SYT11: variants seen among roughly 807,000 people sequenced by gnomAD.
The protein encoded by SYT11 is synaptotagmin 11.
Under a neutral mutation model 30.4 loss-of-function variants are expected in SYT11, and 12 were observed. That is an observed-to-expected ratio of 0.39 (90% confidence interval 0.25 to 0.64). The LOEUF (loss-of-function observed/expected upper bound fraction) is 0.64. Ranked by LOEUF, SYT11 falls within the 30% of genes least tolerant of loss-of-function variation. SYT11 has a pLI of 0.45. For missense variants in SYT11, 412 were observed against 552.0 expected, an observed-to-expected ratio of 0.75 and a Z score of 2.54; for synonymous variants, 204 against 216.0, an observed-to-expected ratio of 0.94 and a Z score of 0.49.
In SYT11 at chr1:155,874,844, C is replaced by T. The variant is rs1452157989; in HGVS notation, c.862-5656C>T. ...GGCAGAGGTTGCAGTGAGCCGAGAT[C>T]GCGCCACTGCACTCCAGCCTGGGTG... On this transcript the variant is annotated intron_variant, in intron 2 of 3. Coordinates refer to ENST00000368324, the MANE Select transcript of SYT11 (RefSeq NM_152280.5). Among the ~76,000 whole-genome samples the T allele has an allele frequency of 5.4e-5, 8 of 147,970 alleles. 1 individual carries two copies. The highest frequency in any genetic ancestry group is 2.0e-4 in the East Asian group (1 of 5,028).
chr1:155,867,492 C>A (rs1478183229), intron 1 of SYT11, among the ~76,000 whole-genome samples: 2 of 152,170 alleles, frequency 1.3e-5, no homozygotes, highest in Non-Finnish European at 2.9e-5. Flanking sequence ...AACTCATCTC[C>A]ACACCCTTCC....
In SYT11 at chr1:155,880,610, C is replaced by T. The variant is rs373500229; in HGVS notation, c.972C>T (p.Thr324=). 36 of 1,613,940 alleles carry T rather than the reference C, an allele frequency of 2.2e-5. No homozygotes were observed. Among genetic ancestry groups the T allele is most frequent in the African/African-American group, 1.9e-4 (14 of 75,044 alleles). The change falls in exon 3 of 4, where the codon ACC becomes ACT. Residue 324 remains threonine (T), a synonymous_variant. Transcript: ENST00000368324. The part of the protein sequence containing the change: ...KARHLPKMDI[T]GLSGNPYVKV... The stretch of plus-strand genomic sequence containing the variant: ...GACACTTGCCGAAGATGGATATCAC[C>T]GGTCTCTCAGGTAGCAGCTATTTAC...
Position 155,868,833 on chromosome 1 carries a change from G to T in SYT11, c.861+42G>T, listed in dbSNP as rs772577182. 6.4e-7 allele frequency: 1 copy of T among 1,562,470 alleles called. No individual in the cohort carries two copies. The highest frequency in any genetic ancestry group is 8.7e-7 in the Non-Finnish European group (1 of 1,147,894). ...TGTTGGGGAGCAATGGTAGGTTGGG[G>T]GAGAAAATATCTCAGGGGATAAATG... On this transcript the variant is annotated intron_variant, in intron 2 of 3. Transcript: ENST00000368324. The surrounding 1 kb of genome is among the most constrained non-coding windows in gnomAD (Gnocchi z 4.7).
intron 1 of SYT11, among the ~76,000 whole-genome samples, chr1:155,865,628 CAAAAA>C (rs1245542156): frequency 9.5e-6 from 1 of 105,448 alleles, no homozygotes; most frequent in Non-Finnish European, 2.0e-5. Flanking sequence ...AACTCTGTCT[CAAAAA>C]AAAAAAAAAA....
At chr1:155,874,478 T>TGTGACAGAGCGAGACTTCATCTCAA (rs1553226161) in intron 2 of SYT11, among the ~76,000 whole-genome samples, 21 of 151,458 alleles carry the variant, frequency 1.4e-4, no homozygotes, top group South Asian at 2.1e-4. Context: ...CACATGCCTG[T>TGTGACAGAGCGAGACTTCATCTCAA]AGTCCCATCT....
Position 155,860,095 on chromosome 1 carries a change from G to C in SYT11, c.34+300G>C, listed in dbSNP as rs1571969435. Among the ~76,000 whole-genome samples, 1 of 152,388 alleles carries C rather than the reference G, an allele frequency of 6.6e-6. No homozygotes were observed. Among genetic ancestry groups the C allele is most frequent in the Admixed American group, 6.5e-5 (1 of 15,310 alleles). On this transcript the variant is annotated intron_variant, in intron 1 of 3. Coordinates refer to ENST00000368324, the MANE Select transcript of SYT11 (RefSeq NM_152280.5). This position sits in a 1 kb window ranked among gnomAD's most constrained non-coding sequence, Gnocchi z 4.1. ...GGAGGTGAGAAACAGCAAGCGTGCG[G>C]AGGATGTGAACCCCTCCTTCTGGGG...
Position 155,883,035 on chromosome 1 carries a change from G to C in SYT11, c.*1527G>C, listed in dbSNP as rs1199437177. 6.6e-6 allele frequency: 1 copy of C among 152,360 alleles called. No individual in the cohort carries two copies. 9.4% of individuals were successfully genotyped at this position (152,360 alleles called of 1,614,324 possible). On this transcript the variant is annotated 3_prime_UTR_variant, in exon 4 of 4. Coordinates refer to ENST00000368324, the MANE Select transcript of SYT11 (RefSeq NM_152280.5). ...CAGAGCATTCTTTTCCTCAAAACGAGCTGCATAATTCTTGGAATTTATGTC... is the reference window on the plus strand; with the variant it reads ...CAGAGCATTCTTTTCCTCAAAACGACCTGCATAATTCTTGGAATTTATGTC...
chr1:155,874,335 C>G (rs1317455139), intron 2 of SYT11, among the ~76,000 whole-genome samples: 1 of 152,010 alleles, frequency 6.6e-6, no homozygotes, highest in African/African-American at 2.4e-5. Flanking sequence ...CATGGTGGCT[C>G]ACACCTGTAT....
rs776531376 is a variant in SYT11, at chr1:155,881,508, A to G, written c.1296A>G (p.Ter432=). ...AGTGGCACAGTCTGAGCGAGTACTA[A>G]TCCTGTTCTTCTCTCCTCTAATCCC... The part of the protein sequence containing the change: ...VAKWHSLSEY[*] Residue 432 remains the stop codon, a stop_retained_variant, in exon 4 of 4, where the codon TAA becomes TAG. Transcript: ENST00000368324. 6.3e-7 allele frequency: 1 copy of G among 1,591,690 alleles called. No homozygotes were observed. Among genetic ancestry groups the G allele is most frequent in the Admixed American group, 1.7e-5 (1 of 58,110 alleles).
At chr1:155,880,690 A>C in intron 3 of SYT11, 67 bp downstream of exon 3, 2 of 1,584,214 alleles carry the variant, frequency 1.3e-6, no homozygotes, top group Non-Finnish European at 1.7e-6. Context: ...TGTGGCCCAG[A>C]TAGACCTCCA....
In SYT11 at chr1:155,859,699, C is replaced by T; in HGVS notation, c.-63C>T. On this transcript the variant is annotated 5_prime_UTR_variant, in exon 1 of 4. Transcript: ENST00000368324. Reference sequence around the variant, plus strand: ...CTACAGCTGCTGCCTCGGTACTGACCGAGGGTTCCCAGAGCTGTCTCACCA... The same window carrying T: ...CTACAGCTGCTGCCTCGGTACTGACTGAGGGTTCCCAGAGCTGTCTCACCA... 5 of 1,539,738 alleles carry T rather than the reference C, an allele frequency of 3.2e-6. No homozygotes were observed. The highest frequency in any genetic ancestry group is 4.5e-6 in the Non-Finnish European group (5 of 1,112,552).
At chr1:155,869,155 G>C (rs912427742) in intron 2 of SYT11, among the ~76,000 whole-genome samples, 3 of 151,282 alleles carry the variant, frequency 2.0e-5, no homozygotes, top group African/African-American at 7.3e-5. Flanking sequence ...TTCCTCCAGT[G>C]AATTTATTTT....
At chr1:155,878,040 TGA>T (rs1373828187) in intron 2 of SYT11, among the ~76,000 whole-genome samples, 3 of 151,992 alleles carry the variant, frequency 2.0e-5, no homozygotes, top group Non-Finnish European at 4.4e-5. Flanking sequence ...CCCAGGAATT[TGA>T]GATCAGCCTG....
At position 155,868,692 on chromosome 1, in the gene SYT11, G is replaced by T. The variant is rs778581369; in HGVS notation, c.762G>T (p.Arg254=). 15 of 1,614,222 alleles carry T rather than the reference G, an allele frequency of 9.3e-6. No homozygotes were observed. In the East Asian group the frequency reaches 3.1e-4, roughly 34 times the overall value. ...FLVLSFDRFS[R]DDVIGEVMVP... ...TCCTCAGCTTTGACCGCTTCTCTCG[G>T]GATGATGTCATTGGCGAGGTCATGG... The change falls in exon 2 of 4, where the codon CGG becomes CGT. Residue 254 remains arginine (R), a synonymous_variant. Coordinates refer to ENST00000368324, the MANE Select transcript of SYT11 (RefSeq NM_152280.5). This position sits in a 1 kb window ranked among gnomAD's most constrained non-coding sequence, Gnocchi z 4.7.
At chr1:155,878,786 G>C (rs1237195796) in intron 2 of SYT11, among the ~76,000 whole-genome samples, 1 of 152,044 alleles carries the variant, frequency 6.6e-6, no homozygotes, top group Non-Finnish European at 1.5e-5. Flanking sequence ...AGAATGGCAT[G>C]AACCTGGGAG....
Position 155,860,637 on chromosome 1 carries a change from C to T in SYT11, c.34+842C>T, listed in dbSNP as rs955011390. 6.6e-6 allele frequency among the ~76,000 whole-genome samples: 1 copy of T among 152,142 alleles called. No individual in the cohort carries two copies. The highest frequency in any genetic ancestry group is 1.5e-5 in the Non-Finnish European group (1 of 68,018). On this transcript the variant is annotated intron_variant, in intron 1 of 3. Transcript: ENST00000368324. This position sits in a 1 kb window ranked among gnomAD's most constrained non-coding sequence, Gnocchi z 4.1. The stretch of plus-strand genomic sequence containing the variant: ...GGGGAGGGGCGAAAGAGGCCCAGCC[C>T]GGGGGAGGCCGCTTTGTGTACCGCA...
At chr1:155,866,113 T>C (rs1431774706) in intron 1 of SYT11, among the ~76,000 whole-genome samples, 1 of 58,330 alleles carries the variant, frequency 1.7e-5, no homozygotes, top group African/African-American at 3.6e-5. Context: ...CTCTTTTTTT[T>C]TTCTTTTTTT....
At chr1:155,876,397 C>CA (rs750402044) in intron 2 of SYT11, among the ~76,000 whole-genome samples, 71 of 152,114 alleles carry the variant, frequency 4.7e-4, no homozygotes, top group Non-Finnish European at 7.5e-4. Flanking sequence ...AGGCGCCCGC[C>CA]ACCACGCCCG....
At chr1:155,880,111 G>C (rs753129135) in intron 2 of SYT11, among the ~76,000 whole-genome samples, 36 of 152,184 alleles carry the variant, frequency 2.4e-4, no homozygotes, top group Non-Finnish European at 4.3e-4. Context: ...AGGATTGCTA[G>C]AGTCCAGGAG....
Sources: gnomAD v4.1 joint callset for allele counts (sites outside exome capture counted in the v4.1 genomes callset) on GRCh38, gnomAD v4.1.1 for gene constraint, Gnocchi (gnomAD v3.1) non-coding constraint, MANE v1.5 for transcripts, NCBI Gene and HGNC (gene_info 2026-07-23, HGNC 2026-07-21) for gene names.